MSRA: variants seen among roughly 807,000 people sequenced by gnomAD.
The protein encoded by MSRA is mitochondrial peptide methionine sulfoxide reductase.
MSRA carries 54 observed loss-of-function variants against 31.3 expected under a neutral mutation model. The ratio of observed to expected loss-of-function variants is 1.73; its 90% CI spans 1.39 to 2.17. MSRA has a LOEUF of 2.17. MSRA is among the 30% of genes most tolerant of loss of function. The pLI is 0.00. For synonymous variants in MSRA, 169 were observed against 116.5 expected (o/e 1.45, Z -2.90); for missense variants, 507 against 300.9 (o/e 1.69, Z -5.07).
intron 2 of MSRA, among the ~76,000 whole-genome samples, chr8:10,223,370 T>A (rs1810696766): frequency 6.6e-6 from 1 of 152,192 alleles, no homozygotes; most frequent in African/African-American, 2.4e-5. Flanking sequence ...TAATGTGATT[T>A]AGAATATGAA....
chr8:10,152,907 AACAG>A (rs1803835474), intron 1 of MSRA, among the ~76,000 whole-genome samples: 2 of 152,218 alleles, frequency 1.3e-5, no homozygotes, highest in Non-Finnish European at 2.9e-5. Context: ...GCCAGCCACA[AACAG>A]ACACATACTA....
chr8:10,304,736 G>C (rs1199451756), intron 4 of MSRA, among the ~76,000 whole-genome samples: 1 of 152,152 alleles, frequency 6.6e-6, no homozygotes, highest in Non-Finnish European at 1.5e-5. Flanking sequence ...GTAAAAGTTG[G>C]TCTTGAAAAG....
At chr8:10,316,678 C>T (rs555102279) in intron 4 of MSRA, among the ~76,000 whole-genome samples, 24 of 151,962 alleles carry the variant, frequency 1.6e-4, no homozygotes, top group African/African-American at 5.8e-4. Context: ...AATGAGCTGT[C>T]AGTTAAAATG....
intron 1 of MSRA, among the ~76,000 whole-genome samples, chr8:10,074,724 C>T (rs1043359900): frequency 4.6e-5 from 7 of 151,960 alleles, no homozygotes; most frequent in East Asian, 1.9e-4. Flanking sequence ...AGTAGTACGA[C>T]GCCTCCTCAC....
intron 4 of MSRA, among the ~76,000 whole-genome samples, chr8:10,310,291 G>C (rs983934486): frequency 6.6e-6 from 1 of 152,034 alleles, no homozygotes; most frequent in East Asian, 1.9e-4. Flanking sequence ...ATTCTGAAAG[G>C]GATTTCATTC....
intron 2 of MSRA, among the ~76,000 whole-genome samples, chr8:10,242,824 T>C (rs1019203649): frequency 2.6e-5 from 4 of 152,120 alleles, no homozygotes; most frequent in Non-Finnish European, 5.9e-5. Flanking sequence ...TGGAGTTTTA[T>C]CCTCCTAACA....
rs542849745 is a variant in MSRA, at chr8:10,066,699, A to AT, written c.142+12048dup. 6.5e-4 allele frequency among the ~76,000 whole-genome samples: 98 copies of AT among 151,696 alleles called. 1 individual carries two copies. The highest frequency in any genetic ancestry group is 6.3e-3 in the South Asian group (30 of 4,786). On this transcript the variant is annotated intron_variant, in intron 1 of 5. Transcript: ENST00000317173. ...CAGGCATCCGTCACCAGACCTAGCT[A>AT]TTTTTTTGTATTTTTAGTAGAGACT...
At chr8:10,349,376 G>A (rs1369261689) in intron 5 of MSRA, among the ~76,000 whole-genome samples, 1 of 152,030 alleles carries the variant, frequency 6.6e-6, no homozygotes, top group Non-Finnish European at 1.5e-5. Context: ...ATCATCCTCG[G>A]CCTGCACACG....
chr8:10,114,904 G>C (rs565704164), intron 1 of MSRA, among the ~76,000 whole-genome samples: 2 of 152,262 alleles, frequency 1.3e-5, no homozygotes, highest in South Asian at 4.2e-4. Flanking sequence ...AGTTCAACTG[G>C]AATGTTTAAA....
chr8:10,363,499 G>A (rs1288924114), intron 5 of MSRA, among the ~76,000 whole-genome samples: 1 of 152,098 alleles, frequency 6.6e-6, no homozygotes. Flanking sequence ...CTTCCCTCCA[G>A]GCCCTACCGT....
intron 1 of MSRA, among the ~76,000 whole-genome samples, chr8:10,169,731 A>G (rs1805437772): frequency 6.6e-6 from 1 of 152,232 alleles, no homozygotes; most frequent in African/African-American, 2.4e-5. Context: ...ATTGTAAATG[A>G]TACCTTAAAA....
At chr8:10,283,469 G>A (rs1043592600) in intron 3 of MSRA, among the ~76,000 whole-genome samples, 2 of 151,892 alleles carry the variant, frequency 1.3e-5, no homozygotes, top group Non-Finnish European at 2.9e-5. Flanking sequence ...AGTTTTGGGG[G>A]AACAGGTGGT....
intron 1 of MSRA, among the ~76,000 whole-genome samples, chr8:10,206,271 TCCTTCCATCACACAGCTGGGA>T (rs1440462090): frequency 6.6e-6 from 1 of 152,160 alleles, no homozygotes; most frequent in Non-Finnish European, 1.5e-5. Flanking sequence ...CTTGACAGGG[TCCTTCCATCACACAGCTGGGA>T]CCTTCCATCA....
chr8:10,157,073 C>A (rs868448528), intron 1 of MSRA, among the ~76,000 whole-genome samples: 1 of 151,806 alleles, frequency 6.6e-6, no homozygotes, highest in African/African-American at 2.4e-5. Context: ...GTGAATACAT[C>A]GTAGATTTGA....
intron 3 of MSRA, among the ~76,000 whole-genome samples, chr8:10,255,084 C>T (rs1798108020): frequency 6.6e-6 from 1 of 152,242 alleles, no homozygotes; most frequent in South Asian, 2.1e-4. Flanking sequence ...TCCCCCAGCA[C>T]TGTCCTCAGT....
intron 1 of MSRA, among the ~76,000 whole-genome samples, chr8:10,073,663 C>T (rs746970540): frequency 2.0e-5 from 3 of 151,968 alleles, no homozygotes; most frequent in Non-Finnish European, 4.4e-5. Context: ...GAGCTTGAGC[C>T]ATTGGCTGCG....
At chr8:10,174,722 C>T (rs1445585127) in intron 1 of MSRA, among the ~76,000 whole-genome samples, 1 of 152,208 alleles carries the variant, frequency 6.6e-6, no homozygotes, top group Non-Finnish European at 1.5e-5. Flanking sequence ...GTGTCTACTG[C>T]TATCTCTGTC....
intron 4 of MSRA, among the ~76,000 whole-genome samples, chr8:10,302,369 T>G (rs995239420): frequency 1.3e-5 from 2 of 152,266 alleles, no homozygotes; most frequent in African/African-American, 2.4e-5. Flanking sequence ...TTATGCAGCT[T>G]ATGAACTGAA....
At position 10,081,314 on chromosome 8, in the gene MSRA, C is replaced by T. The variant is rs182834587; in HGVS notation, c.142+26656C>T. Among the ~76,000 whole-genome samples the T allele has an allele frequency of 3.9e-5, 6 of 152,320 alleles. 1 individual carries two copies. The highest frequency in any genetic ancestry group is 1.4e-4 in the African/African-American group (6 of 41,572). The stretch of plus-strand genomic sequence containing the variant: ...TCTATAACCCACGTGCCATTTGGGC[C>T]TCCTGCTCCTTGGCTTAGTCCCTAG... On this transcript the variant is annotated intron_variant, in intron 1 of 5. Transcript: ENST00000317173.
Sources: allele counts gnomAD v4.1 joint callset (sites outside exome capture counted in the v4.1 genomes callset), GRCh38; gene constraint gnomAD v4.1.1; transcripts MANE v1.5; gene names NCBI Gene and HGNC (gene_info 2026-07-23, HGNC 2026-07-21).